ADD2: variants seen among roughly 807,000 people sequenced by gnomAD.
ADD2 encodes adducin 2.
ADD2 carries 23 observed loss-of-function variants against 83.0 expected under a neutral mutation model. The observed-to-expected ratio is 0.28, with a 90% CI of 0.20 to 0.39. ADD2 has a LOEUF of 0.39. Ranked by LOEUF, ADD2 falls within the 10% of genes least tolerant of loss-of-function variation. The pLI, the probability that ADD2 is intolerant of heterozygous loss-of-function variation, is 1.00. For synonymous variants in ADD2, 375 were observed against 375.4 expected (o/e 1.00, Z 0.01); for missense variants, 758 against 944.9 (o/e 0.80, Z 2.59).
rs1675451189 is a variant in ADD2 at position 70,659,037 on chromosome 2, G to A, written c.*4388C>T. 6.6e-6 allele frequency: 1 copy of A among 151,440 alleles called. No individual in the cohort carries two copies. Among genetic ancestry groups the A allele is most frequent in the South Asian group, 2.1e-4 (1 of 4,784 alleles). 9.4% of individuals were successfully genotyped at this position (151,440 alleles called of 1,614,324 possible). On this transcript the variant is annotated 3_prime_UTR_variant, in exon 16 of 16. Coordinates refer to ENST00000264436, the MANE Select transcript of ADD2 (RefSeq NM_001617.4). ...GGGCTCCTGTAATTCCAGCTACTTG[G>A]GAGGCTGAGACAGAAGAATCGCTTG...
Position 70,759,190 on chromosome 2 carries a change from T to C in ADD2, c.-154+8696A>G, listed in dbSNP as rs566557698. On this transcript the variant is annotated intron_variant, in intron 1 of 15. Transcript: ENST00000264436. ...AGGCATTAAATGGAGCACTGAAATT[T>C]GTATTCAGGTACCTAGATCCTAAGC... is the stretch of plus-strand genomic sequence containing the variant. Among the ~76,000 whole-genome samples, 262 of 152,256 alleles carry C rather than the reference T, an allele frequency of 1.7e-3. 1 individual carries two copies. Among genetic ancestry groups the C allele is most frequent in the Non-Finnish European group, 2.0e-3 (134 of 68,022 alleles).
intron 1 of ADD2, among the ~76,000 whole-genome samples, chr2:70,742,708 C>A (rs1673980567): frequency 6.6e-6 from 1 of 152,102 alleles, no homozygotes; most frequent in African/African-American, 2.4e-5. Context: ...TTGGGGCTGA[C>A]CTTTTAGGGC....
At chr2:70,730,849 C>A (rs1293980715) in intron 1 of ADD2, among the ~76,000 whole-genome samples, 1 of 152,182 alleles carries the variant, frequency 6.6e-6, no homozygotes, top group Admixed American at 6.5e-5. Flanking sequence ...TCACATGCTG[C>A]AAGGTTTGCA....
chr2:70,756,760 G>A (rs1397346697), intron 1 of ADD2, among the ~76,000 whole-genome samples: 1 of 152,160 alleles, frequency 6.6e-6, no homozygotes, highest in Non-Finnish European at 1.5e-5. Flanking sequence ...CTGGAGTTGT[G>A]GGGATGGCCA....
At chr2:70,697,770 A>G (rs1671384535) in intron 4 of ADD2, among the ~76,000 whole-genome samples, 1 of 152,186 alleles carries the variant, frequency 6.6e-6, no homozygotes. Context: ...CGAGTGTGCC[A>G]TTAGTGGAAG....
At chr2:70,689,821 A>G (rs1425768826) in intron 8 of ADD2, among the ~76,000 whole-genome samples, 2 of 152,214 alleles carry the variant, frequency 1.3e-5, no homozygotes, top group Non-Finnish European at 2.9e-5. Flanking sequence ...AAGCAACAAC[A>G]AGATTCCATT....
intron 3 of ADD2, 56 bp from the exon 4 acceptor site, chr2:70,704,515 C>A (rs1671790559): frequency 1.2e-6 from 2 of 1,601,824 alleles, no homozygotes; most frequent in South Asian, 1.1e-5. Flanking sequence ...AGCTGCCCAA[C>A]AATGAGCTCT....
chr2:70,723,229 TG>T (rs1416226928), intron 1 of ADD2, among the ~76,000 whole-genome samples: 2 of 152,212 alleles, frequency 1.3e-5, no homozygotes, highest in African/African-American at 4.8e-5. Context: ...TCAGGTTCTT[TG>T]TCCAATGTGG....
At chr2:70,664,521 G>A (rs1384720397) in intron 15 of ADD2, among the ~76,000 whole-genome samples, 1 of 152,202 alleles carries the variant, frequency 6.6e-6, no homozygotes, top group African/African-American at 2.4e-5. Flanking sequence ...GAGTCAGGGA[G>A]ATTGTAAAAC....
intron 1 of ADD2, among the ~76,000 whole-genome samples, chr2:70,749,417 G>A (rs782067768): frequency 1.3e-5 from 2 of 152,152 alleles, no homozygotes; most frequent in Non-Finnish European, 2.9e-5. Flanking sequence ...AGGACAGTTA[G>A]GACAAATGTT....
intron 4 of ADD2, among the ~76,000 whole-genome samples, chr2:70,702,083 C>T (rs1034448969): frequency 7.9e-5 from 12 of 152,144 alleles, no homozygotes; most frequent in Admixed American, 5.9e-4. Flanking sequence ...TCAATTTATT[C>T]GTTTAATGTA....
chr2:70,730,446 A>C (rs920736514), intron 1 of ADD2, among the ~76,000 whole-genome samples: 1 of 152,230 alleles, frequency 6.6e-6, no homozygotes, highest in Non-Finnish European at 1.5e-5. Context: ...ACATTTACAC[A>C]CACCTGTTAT....
intron 1 of ADD2, among the ~76,000 whole-genome samples, chr2:70,756,880 G>A (rs1174703118): frequency 4.6e-5 from 7 of 152,326 alleles, no homozygotes; most frequent in African/African-American, 1.7e-4. Flanking sequence ...CCAGGCTGGA[G>A]TGCAATGGTG....
At chr2:70,704,273 A>ACCCCCC in intron 4 of ADD2, 48 bp downstream of exon 4, 5 of 523,440 alleles carry the variant, frequency 9.6e-6, no homozygotes, top group Middle Eastern at 3.9e-4. Flanking sequence ...TCCCCACCCC[A>ACCCCCC]CCCTCCCCTC....
At chr2:70,670,188 G>A (rs1331944826) in intron 15 of ADD2, among the ~76,000 whole-genome samples, 1 of 152,176 alleles carries the variant, frequency 6.6e-6, no homozygotes, top group Non-Finnish European at 1.5e-5. Flanking sequence ...AAAACATCAA[G>A]TACTGTATTA....
At chr2:70,758,015 C>T (rs928812947) in intron 1 of ADD2, among the ~76,000 whole-genome samples, 38 of 152,150 alleles carry the variant, frequency 2.5e-4, no homozygotes, top group African/African-American at 9.2e-4. Context: ...CAGAAAATTA[C>T]CGAAGGAACG....
rs782404677 is a variant in ADD2 at position 70,673,359 on chromosome 2, G to A, written c.1742-353C>T. On this transcript the variant is annotated intron_variant, in intron 14 of 15. Coordinates refer to ENST00000264436, the MANE Select transcript of ADD2 (RefSeq NM_001617.4). The stretch of plus-strand genomic sequence containing the variant: ...GAACCAGCCAGGAGCTTTGTGTCGT[G>A]AGCACAGAGCACATCAACGGGTAAG... 2.5e-6 allele frequency: 4 copies of A among 1,588,720 alleles called. No homozygotes were observed. In the African/African-American group the frequency reaches 5.4e-5, roughly 21 times the overall value.
In ADD2 at chr2:70,716,605, G is replaced by A. The variant is rs1232939997; in HGVS notation, c.-153-3421C>T. 5.9e-5 allele frequency among the ~76,000 whole-genome samples: 9 copies of A among 152,310 alleles called. No homozygotes were observed. In the South Asian group the frequency reaches 1.2e-3, roughly 21 times the overall value. On this transcript the variant is annotated intron_variant, in intron 1 of 15. Coordinates refer to ENST00000264436, the MANE Select transcript of ADD2 (RefSeq NM_001617.4). Reference sequence around the variant, plus strand: ...TCTCTATCCTCCCTGTTGCCATAGGGCCTGGTGCCAGTTAGGTGCTGAACA... The same window carrying A: ...TCTCTATCCTCCCTGTTGCCATAGGACCTGGTGCCAGTTAGGTGCTGAACA...
At chr2:70,736,861 A>G (rs1374169646) in intron 1 of ADD2, among the ~76,000 whole-genome samples, 1 of 151,590 alleles carries the variant, frequency 6.6e-6, no homozygotes, top group South Asian at 2.1e-4. Context: ...AGAAGGAGGG[A>G]GCATCTATTA....
Sources: allele counts gnomAD v4.1 joint callset (sites outside exome capture counted in the v4.1 genomes callset), GRCh38; gene constraint gnomAD v4.1.1; transcripts MANE v1.5; gene names NCBI Gene and HGNC (gene_info 2026-07-23, HGNC 2026-07-21).